The following DDX46 variants were observed in gnomAD, a reference collection of about 807,000 sequenced individuals.
DDX46 encodes the protein DEAD-box helicase 46, also known as probable ATP-dependent RNA helicase DDX46.
DDX46 carries 30 observed loss-of-function variants against 134.9 expected under a neutral mutation model. The ratio of observed to expected loss-of-function variants is 0.22; its 90% CI spans 0.17 to 0.30. The LOEUF is 0.30. Among genes scored for constraint, DDX46 ranks in the 10% least tolerant of loss-of-function variants. The pLI, the probability that DDX46 is intolerant of heterozygous loss-of-function variation, is 1.00. For synonymous variants in DDX46, 415 were observed against 404.1 expected (o/e 1.03, Z -0.32); for missense variants, 622 against 1,248.7 (o/e 0.50, Z 7.56).
rs897437424 is a variant in DDX46 at position 134,803,914 on chromosome 5, T to G, written c.1955-3834T>G. The stretch of plus-strand genomic sequence containing the variant: ...AAAGAGAATGACAAGTGATGATGAT[T>G]CTTCTTTTTTTTTTTTTTTTTTTTT... On this transcript the variant is annotated intron_variant, in intron 15 of 22. Transcript: ENST00000452510. 3.9e-4 allele frequency among the ~76,000 whole-genome samples: 55 copies of G among 141,958 alleles called. 1 individual carries two copies. Among genetic ancestry groups the G allele is most frequent in the African/African-American group, 1.1e-3 (41 of 37,686 alleles). 93.1% of individuals were successfully genotyped at this position (141,958 alleles called of 152,430 possible). A position where few individuals can be genotyped will look rare whatever the true frequency, so the allele number is the denominator to read the frequency against.
At chr5:134,793,018 G>GT (rs1482447825) in intron 13 of DDX46, among the ~76,000 whole-genome samples, 1 of 152,082 alleles carries the variant, frequency 6.6e-6, no homozygotes, top group Admixed American at 6.6e-5. Context: ...TTAGCTGGGT[G>GT]TGGGGGCATG....
chr5:134,808,407 G>C (rs1580811189), intron 16 of DDX46, among the ~76,000 whole-genome samples: 1 of 152,192 alleles, frequency 6.6e-6, no homozygotes, highest in East Asian at 1.9e-4. Context: ...ATAAAGTATT[G>C]AATATCTCAT....
intron 14 of DDX46, among the ~76,000 whole-genome samples, chr5:134,795,509 A>G (rs750108049): frequency 5.9e-5 from 9 of 152,108 alleles, no homozygotes; most frequent in Non-Finnish European, 1.3e-4. Context: ...AGTAAAATAA[A>G]ACGTTGTTTT....
At chr5:134,781,553 AT>A (rs1217232487) in intron 7 of DDX46, among the ~76,000 whole-genome samples, 5 of 152,196 alleles carry the variant, frequency 3.3e-5, no homozygotes, top group Admixed American at 3.3e-4. Flanking sequence ...ACACGTAAAG[AT>A]TTATATAGTA....
chr5:134,798,861 C>A (rs1352782392), intron 15 of DDX46, among the ~76,000 whole-genome samples: 1 of 152,262 alleles, frequency 6.6e-6, no homozygotes, highest in South Asian at 2.1e-4. Flanking sequence ...TACAGCCAGC[C>A]CTTCGTGTCC....
intron 5 of DDX46, among the ~76,000 whole-genome samples, chr5:134,774,873 CAG>C (rs1753885878): frequency 6.6e-6 from 1 of 151,668 alleles, no homozygotes. Context: ...TCTTTTTTGA[CAG>C]AGTCTTGCTC....
chr5:134,786,611 G>A (rs1203396753), intron 11 of DDX46, among the ~76,000 whole-genome samples: 3 of 152,120 alleles, frequency 2.0e-5, no homozygotes, highest in African/African-American at 4.8e-5. Context: ...TTGAGAGGCC[G>A]AAGCGGGTGG....
rs545473323 is a variant in DDX46 at position 134,795,975 on chromosome 5, A to G, written c.1792-13A>G. On this transcript the variant is annotated splice_polypyrimidine_tract_variant and intron_variant, in intron 14 of 22. Transcript: ENST00000452510. ...TTTCACTTCATTAACTTGATACAATATGGTGTTTTCAGATTGTGATTGAAG... is the reference window on the plus strand; with the variant it reads ...TTTCACTTCATTAACTTGATACAATGTGGTGTTTTCAGATTGTGATTGAAG... 23 of 1,610,586 alleles carry G rather than the reference A, an allele frequency of 1.4e-5. No individual in the cohort carries two copies. The highest frequency in any genetic ancestry group is 2.7e-5 in the African/African-American group (2 of 74,844).
intron 4 of DDX46, 133 bp from the exon 5 acceptor site, chr5:134,773,563 G>T: frequency 2.2e-6 from 2 of 915,744 alleles, no homozygotes; most frequent in Non-Finnish European, 3.1e-6. Flanking sequence ...ACCCTGAGGG[G>T]TTTGTATATA....
chr5:134,766,816 A>G (rs1753582447), intron 2 of DDX46, 101 bp from the exon 3 acceptor site: 2 of 1,364,814 alleles, frequency 1.5e-6, no homozygotes, highest in Admixed American at 5.8e-5. Flanking sequence ...ACCTTTAATA[A>G]TGGTAGTGAT....
At chr5:134,781,726 A>G (rs1754161110) in intron 7 of DDX46, among the ~76,000 whole-genome samples, 195 bp from the exon 8 acceptor site, 1 of 152,172 alleles carries the variant, frequency 6.6e-6, no homozygotes, top group Non-Finnish European at 1.5e-5. Flanking sequence ...ACGTCATTTG[A>G]GGTGATTTTA....
rs370604013 is a variant in DDX46 at position 134,807,072 on chromosome 5, G to A, written c.1955-676G>A. On this transcript the variant is annotated intron_variant, in intron 15 of 22. Coordinates refer to ENST00000452510, the MANE Select transcript of DDX46 (RefSeq NM_001300860.2). ...CATTTCCTTTTTTTTTTTTTTCCCCGAGACAGAGTCATGCTCTGTCGCCTG... is the reference window on the plus strand; with the variant it reads ...CATTTCCTTTTTTTTTTTTTTCCCCAAGACAGAGTCATGCTCTGTCGCCTG... 4.2e-5 allele frequency among the ~76,000 whole-genome samples: 6 copies of A among 141,268 alleles called. No individual in the cohort carries two copies. In the East Asian group the frequency reaches 1.0e-3, roughly 24 times the overall value. The allele number at this position is 141,268 out of a possible 152,430, so 92.7% of individuals were successfully genotyped here.
At chr5:134,817,735 T>C (rs775962428) in intron 20 of DDX46, 21 bp downstream of exon 20, 8 of 1,587,900 alleles carry the variant, frequency 5.0e-6, no homozygotes, top group Non-Finnish European at 6.0e-6. Context: ...GGTTTAAACC[T>C]TTTTTTATTG....
intron 18 of DDX46, among the ~76,000 whole-genome samples, chr5:134,812,059 C>CTT (rs767502728): frequency 0.022 from 2,137 of 99,022 alleles, 59 homozygotes; most frequent in African/African-American, 0.033. Context: ...GTGAAAAGTC[C>CTT]TTTTTTTTTT....
chr5:134,813,073 C>T (rs895491490), intron 18 of DDX46, among the ~76,000 whole-genome samples: 1 of 152,192 alleles, frequency 6.6e-6, no homozygotes. Flanking sequence ...TCCCAAGTAA[C>T]TGGAACGACA....
Position 134,758,916 on chromosome 5 carries a change from C to T in DDX46, c.-23C>T. The T allele has an allele frequency of 6.2e-7, 1 of 1,613,636 alleles. No homozygotes were observed. Among genetic ancestry groups the T allele is most frequent in the Non-Finnish European group, 8.5e-7 (1 of 1,179,862 alleles). On this transcript the variant is annotated 5_prime_UTR_variant, in exon 1 of 23. Coordinates refer to ENST00000452510, the MANE Select transcript of DDX46 (RefSeq NM_001300860.2). ...CGCCTGTGCGTGGTACTCAAGGGCA[C>T]CAGTATTCCCGCGGTCGGCAGCATG...
intron 3 of DDX46, 95 bp from the exon 4 acceptor site, chr5:134,770,808 C>T (rs1397249609): frequency 1.6e-5 from 17 of 1,054,616 alleles, no homozygotes; most frequent in Non-Finnish European, 2.0e-5. Context: ...CAGAGTGAGA[C>T]ACTGTCTCAA....
intron 22 of DDX46, among the ~76,000 whole-genome samples, chr5:134,827,902 A>G (rs1755633533): frequency 6.6e-6 from 1 of 152,184 alleles, no homozygotes; most frequent in African/African-American, 2.4e-5. Context: ...TCGGAGTAGA[A>G]TTGTTAATTA....
chr5:134,801,782 C>T (rs2150151922), intron 15 of DDX46, among the ~76,000 whole-genome samples: 1 of 152,152 alleles, frequency 6.6e-6, no homozygotes, highest in Admixed American at 6.6e-5. Context: ...TGTTTAAGGA[C>T]ATTTTAGTTG....
Sources: gnomAD v4.1 joint callset for allele counts (sites outside exome capture counted in the v4.1 genomes callset) on GRCh38, gnomAD v4.1.1 for gene constraint, MANE v1.5 for transcripts, NCBI Gene and HGNC (gene_info 2026-07-23, HGNC 2026-07-21) for gene names.